TRPM3: variants seen among roughly 807,000 people sequenced by gnomAD.
TRPM3 encodes the protein long transient receptor potential channel 3.
Under a neutral mutation model 181.2 loss-of-function variants are expected in TRPM3, and 77 were observed. The observed-to-expected ratio is 0.42, with a 90% confidence interval of 0.35 to 0.51. The LOEUF is 0.51. Among genes scored for constraint, TRPM3 ranks in the 20% least tolerant of loss-of-function variants. The probability of loss-of-function intolerance (pLI) is 0.01; values close to 1 mark genes in which losing one functional copy is unlikely to be tolerated. For missense variants in TRPM3, 1,759 were observed against 2,196.7 expected, an observed-to-expected ratio of 0.80 and a Z score of 3.98; for synonymous variants, 745 against 796.4, an observed-to-expected ratio of 0.94 and a Z score of 1.09.
intron 1 of TRPM3, among the ~76,000 whole-genome samples, chr9:71,197,493 TAA>T (rs573670989): frequency 1.8e-4 from 27 of 152,102 alleles, no homozygotes; most frequent in African/African-American, 4.8e-4. Flanking sequence ...ACCAACAGTG[TAA>T]AAGTGTTCCT....
intron 1 of TRPM3, among the ~76,000 whole-genome samples, chr9:70,942,129 C>T (rs534990590): frequency 6.6e-6 from 1 of 152,130 alleles, no homozygotes; most frequent in African/African-American, 2.4e-5. Flanking sequence ...AATTGGCCAC[C>T]TTTCAACTGA....
chr9:70,568,910 A>G (rs775894570), intron 22 of TRPM3, among the ~76,000 whole-genome samples: 2 of 152,260 alleles, frequency 1.3e-5, no homozygotes, highest in Non-Finnish European at 2.9e-5. Context: ...GAGGACAAGT[A>G]TGGCTATAAA....
intron 1 of TRPM3, among the ~76,000 whole-genome samples, chr9:71,388,912 T>G (rs1468727052): frequency 2.0e-5 from 3 of 152,086 alleles, no homozygotes; most frequent in African/African-American, 4.8e-5. Flanking sequence ...GTTTGGCCAC[T>G]TGCAAAGTAT....
chr9:71,332,946 A>T (rs2132550664), intron 1 of TRPM3, among the ~76,000 whole-genome samples: 1 of 152,044 alleles, frequency 6.6e-6, no homozygotes, highest in Non-Finnish European at 1.5e-5. Context: ...AATCAATATT[A>T]GGAGAATTCC....
At chr9:71,174,449 G>A (rs956564858) in intron 1 of TRPM3, among the ~76,000 whole-genome samples, 2 of 152,142 alleles carry the variant, frequency 1.3e-5, no homozygotes, top group African/African-American at 4.8e-5. Context: ...GGCTGAAGCA[G>A]GAGAATCAGT....
intron 1 of TRPM3, among the ~76,000 whole-genome samples, chr9:71,230,373 T>C (rs1302449065): frequency 6.6e-6 from 1 of 151,790 alleles, no homozygotes; most frequent in Non-Finnish European, 1.5e-5. Context: ...TACAAAAAAA[T>C]AGAAAATATG....
At chr9:71,010,932 TACACACACACACAC>T (rs60869396) in intron 1 of TRPM3, among the ~76,000 whole-genome samples, 2 of 147,092 alleles carry the variant, frequency 1.4e-5, no homozygotes, top group Non-Finnish European at 3.0e-5. Context: ...CACACACACA[TACACACACACACAC>T]ACACACACAC....
intron 1 of TRPM3, among the ~76,000 whole-genome samples, chr9:71,357,017 G>C (rs1419764894): frequency 6.6e-6 from 1 of 152,144 alleles, no homozygotes; most frequent in African/African-American, 2.4e-5. Flanking sequence ...AAGTCACGTG[G>C]TTGATGGCAG....
intron 1 of TRPM3, among the ~76,000 whole-genome samples, chr9:70,914,941 C>T (rs576688240): frequency 2.2e-4 from 34 of 152,232 alleles, no homozygotes; most frequent in African/African-American, 8.2e-4. Context: ...ATTACAACAC[C>T]CAAGTCCTTT....
intron 1 of TRPM3, among the ~76,000 whole-genome samples, chr9:71,418,468 G>A (rs958977049): frequency 2.0e-5 from 3 of 151,724 alleles, no homozygotes; most frequent in Admixed American, 6.6e-5. Context: ...TTCCAAAAGG[G>A]AGCCTCTAAT....
At chr9:71,012,681 T>C (rs2097755633) in intron 1 of TRPM3, among the ~76,000 whole-genome samples, 2 of 152,078 alleles carry the variant, frequency 1.3e-5, no homozygotes, top group South Asian at 2.1e-4. Context: ...TTTATCATAT[T>C]ATTCCTTTTA....
At chr9:71,345,512 T>C (rs1313016121) in intron 1 of TRPM3, among the ~76,000 whole-genome samples, 2 of 152,032 alleles carry the variant, frequency 1.3e-5, no homozygotes, top group Non-Finnish European at 2.9e-5. Flanking sequence ...ACACCGCATA[T>C]TCTCACTCAT....
intron 8 of TRPM3, among the ~76,000 whole-genome samples, chr9:70,684,878 C>T (rs193220680): frequency 7.9e-5 from 12 of 152,294 alleles, no homozygotes; most frequent in Admixed American, 7.2e-4. Flanking sequence ...ATTAGAGTTA[C>T]GCTAACCTTC....
chr9:70,670,782 A>G (rs922464650), intron 9 of TRPM3, among the ~76,000 whole-genome samples: 4 of 152,214 alleles, frequency 2.6e-5, no homozygotes, highest in Admixed American at 2.6e-4. Flanking sequence ...AAGGCAGAGT[A>G]GAGTGTCCGC....
At chr9:70,929,671 A>G (rs2096756196) in intron 1 of TRPM3, among the ~76,000 whole-genome samples, 1 of 152,282 alleles carries the variant, frequency 6.6e-6, no homozygotes, top group Admixed American at 6.5e-5. Flanking sequence ...AGTAAACTCT[A>G]TCCTTAACAT....
At chr9:71,013,765 T>C (rs1403058968) in intron 1 of TRPM3, among the ~76,000 whole-genome samples, 1 of 152,066 alleles carries the variant, frequency 6.6e-6, no homozygotes, top group East Asian at 1.9e-4. Flanking sequence ...TTGGTGTTTA[T>C]CCATTGCCAT....
At chr9:70,666,591 A>G (rs1014683387) in intron 9 of TRPM3, among the ~76,000 whole-genome samples, 1 of 152,204 alleles carries the variant, frequency 6.6e-6, no homozygotes, top group African/African-American at 2.4e-5. Context: ...AGCTTTCTGC[A>G]TTGTTGTTTG....
At chr9:70,947,567 C>G (rs1382707814) in intron 1 of TRPM3, among the ~76,000 whole-genome samples, 2 of 152,114 alleles carry the variant, frequency 1.3e-5, no homozygotes, top group Non-Finnish European at 2.9e-5. Context: ...TTTTGCTCTT[C>G]CTTTTGTTGT....
At chr9:70,852,324 A>G (rs1036586048) in intron 3 of TRPM3, among the ~76,000 whole-genome samples, 7 of 151,918 alleles carry the variant, frequency 4.6e-5, no homozygotes, top group Non-Finnish European at 1.0e-4. Flanking sequence ...TACCGATGGG[A>G]ACAGAAAGAA....
Sources: allele counts gnomAD v4.1 joint callset (sites outside exome capture counted in the v4.1 genomes callset), GRCh38; gene constraint gnomAD v4.1.1; transcripts MANE v1.5; gene names NCBI Gene and HGNC (gene_info 2026-07-23, HGNC 2026-07-21).